The following ADAM23 variants were observed in gnomAD, a reference collection of about 807,000 sequenced individuals.
ADAM23 encodes ADAM metallopeptidase domain 23, also known as disintegrin and metalloproteinase domain-containing protein 23.
ADAM23 carries 33 observed loss-of-function variants against 120.1 expected under a neutral mutation model. That is an observed-to-expected ratio of 0.27 (90% CI 0.21 to 0.37). The LOEUF is 0.37. Among genes scored for constraint, ADAM23 ranks in the 10% least tolerant of loss-of-function variants. The probability of loss-of-function intolerance (pLI) is 1.00; values close to 1 mark genes in which losing one functional copy is unlikely to be tolerated. For missense variants in ADAM23, 862 were observed against 1,058.2 expected (o/e 0.81, Z 2.57); for synonymous variants, 367 against 375.2 (o/e 0.98, Z 0.25).
At position 206,594,906 on chromosome 2, in the gene ADAM23, G is replaced by T. The variant is rs760638282; in HGVS notation, c.2247+1G>T. The T allele has an allele frequency of 6.2e-7, 1 of 1,614,082 alleles. No homozygotes were observed. Among genetic ancestry groups the T allele is most frequent in the African/African-American group, 1.3e-5 (1 of 75,056 alleles). ...GGGTAAAGTCTGTTCGGGCCATGGG[G>T]TAAGTAGGTATCAATGTGACAGCTG... is the stretch of plus-strand genomic sequence containing the variant. On this transcript the variant is annotated splice_donor_variant, in intron 23 of 25. Transcript: ENST00000264377. LOFTEE classifies it high-confidence loss of function.
chr2:206,524,748 A>G (rs778126359), intron 3 of ADAM23, among the ~76,000 whole-genome samples: 5 of 152,212 alleles, frequency 3.3e-5, no homozygotes, highest in Non-Finnish European at 7.3e-5. Context: ...CCTCCCATGA[A>G]TCAGTGATCT....
chr2:206,567,234 C>G lies in ADAM23; in HGVS notation c.1406C>G (p.Ser469Cys). 1.2e-6 allele frequency: 2 copies of G among 1,612,454 alleles called. No homozygotes were observed. Among genetic ancestry groups the G allele is most frequent in the Non-Finnish European group, 1.7e-6 (2 of 1,178,856 alleles). ...CIMEETGVSH[S>C]RKFSKCSILE... ...CTTTGTTTCCTCAGGGTGTCCCATT[C>G]TCGAAAATTTTCAAAGTGCAGCATT... The change falls in exon 15 of 26, where the codon TCT (serine) becomes TGT (cysteine). Residue 469 changes from serine (S) to cysteine (C), a missense_variant. Physicochemically the swap from Ser to Cys is moderately radical, Grantham distance 112 (BLOSUM62 -1). Coordinates refer to ENST00000264377, the MANE Select transcript of ADAM23 (RefSeq NM_003812.4).
At chr2:206,477,707 T>G (rs1695801178) in intron 2 of ADAM23, among the ~76,000 whole-genome samples, 1 of 151,860 alleles carries the variant, frequency 6.6e-6, no homozygotes. Flanking sequence ...AGAACAATAC[T>G]GTAGGTAGTC....
At position 206,554,383 on chromosome 2, in the gene ADAM23, T is replaced by TAATAGAA. The variant is rs1680699413; in HGVS notation, c.934-3040_934-3034dup. On this transcript the variant is annotated intron_variant, in intron 9 of 25. Transcript: ENST00000264377. The stretch of plus-strand genomic sequence containing the variant: ...AAAATAAATATTAAAAATCTTATTC[T>TAATAGAA]AATAGAAAATTGGTTGAGATTTTTT... 2.6e-5 allele frequency among the ~76,000 whole-genome samples: 4 copies of TAATAGAA among 152,174 alleles called. No homozygotes were observed. The South Asian group carries it at 8.3e-4, about 31-fold the overall frequency.
intron 13 of ADAM23, among the ~76,000 whole-genome samples, chr2:206,563,982 G>A (rs1034778066): frequency 6.6e-6 from 1 of 151,836 alleles, no homozygotes; most frequent in Non-Finnish European, 1.5e-5. Context: ...TGCCCACCTC[G>A]GCCTCCCATA....
Position 206,596,146 on chromosome 2 carries a change from G to T in ADAM23, c.2343G>T (p.Lys781Asn). The stretch of plus-strand genomic sequence containing the variant: ...CAGTTAGGAACCTTCACCCCCCCAA[G>T]GATGAAGGACCCAAGGGTTTGTGTG... The part of the protein sequence containing the change: ...RDPVRNLHPP[K>N]DEGPKGPSAT... The change falls in exon 24 of 26, where the codon AAG becomes AAT. Residue 781 changes from lysine to asparagine, a missense_variant. Coordinates refer to ENST00000264377, the MANE Select transcript of ADAM23 (RefSeq NM_003812.4). 1.2e-6 allele frequency: 2 copies of T among 1,613,860 alleles called. No individual in the cohort carries two copies. Among genetic ancestry groups the T allele is most frequent in the Non-Finnish European group, 8.5e-7 (1 of 1,179,902 alleles).
At chr2:206,485,910 C>T (rs1166384213) in intron 3 of ADAM23, among the ~76,000 whole-genome samples, 1 of 152,156 alleles carries the variant, frequency 6.6e-6, no homozygotes, top group African/African-American at 2.4e-5. Context: ...AAAGAGGAGC[C>T]ACAACACGTT....
intron 14 of ADAM23, among the ~76,000 whole-genome samples, chr2:206,565,408 A>G (rs904126948): frequency 5.9e-5 from 9 of 152,224 alleles, no homozygotes; most frequent in African/African-American, 9.6e-5. Flanking sequence ...GTGAAAATCA[A>G]TTTAGTCATC....
intron 2 of ADAM23, among the ~76,000 whole-genome samples, chr2:206,477,901 T>TATATATATAC (rs1553548686): frequency 0.22 from 26,416 of 121,518 alleles, 3,216 homozygotes; most frequent in Non-Finnish European, 0.25. Context: ...AAAAAAAATA[T>TATATATATAC]ATATATATAT....
chr2:206,548,170 A>G, intron 7 of ADAM23, 111 bp from the exon 8 acceptor site: 1 of 915,862 alleles, frequency 1.1e-6, no homozygotes, highest in South Asian at 1.7e-5. Context: ...GCTTTTTTTC[A>G]CCTTAGTTTG....
At chr2:206,616,981 C>T (rs1196941821) in intron 25 of ADAM23, among the ~76,000 whole-genome samples, 2 of 152,260 alleles carry the variant, frequency 1.3e-5, no homozygotes, top group African/African-American at 4.8e-5. Context: ...CCTGTGTCCA[C>T]TCTCCTTTGA....
chr2:206,452,199 T>C lies in ADAM23; in HGVS notation c.432+6675T>C, dbSNP rs115647733. Among the ~76,000 whole-genome samples, 1,510 of 152,326 alleles carry C rather than the reference T, an allele frequency of 9.9e-3. 31 individuals are homozygous for C. Among genetic ancestry groups the C allele is most frequent in the African/African-American group, 0.035 (1,455 of 41,568 alleles). Reference sequence around the variant, plus strand: ...CATTCTTTGTTGCTAACACTAACCCTTCTGCATTTCTGGTCCCTTTGGGCA... The same window carrying C: ...CATTCTTTGTTGCTAACACTAACCCCTCTGCATTTCTGGTCCCTTTGGGCA... On this transcript the variant is annotated intron_variant, in intron 2 of 25. Coordinates refer to ENST00000264377, the MANE Select transcript of ADAM23 (RefSeq NM_003812.4).
At chr2:206,567,518 T>C (rs371935778) in intron 15 of ADAM23, among the ~76,000 whole-genome samples, 196 bp downstream of exon 15, 3 of 152,302 alleles carry the variant, frequency 2.0e-5, no homozygotes, top group East Asian at 3.9e-4. Flanking sequence ...GATTCAGCAT[T>C]CTCAGTCTCT....
chr2:206,578,362 C>A (rs538228905), intron 18 of ADAM23, among the ~76,000 whole-genome samples: 72 of 151,130 alleles, frequency 4.8e-4, no homozygotes, highest in Non-Finnish European at 9.0e-4. Context: ...CTCCCCAATT[C>A]CCCCCAAGTC....
intron 2 of ADAM23, among the ~76,000 whole-genome samples, chr2:206,448,645 G>C (rs1232404298): frequency 6.6e-6 from 1 of 152,178 alleles, no homozygotes; most frequent in Non-Finnish European, 1.5e-5. Context: ...GCAGAAGGTT[G>C]AGTTGATCAC....
At chr2:206,464,155 T>C (rs1373933983) in intron 2 of ADAM23, among the ~76,000 whole-genome samples, 1 of 152,224 alleles carries the variant, frequency 6.6e-6, no homozygotes, top group Non-Finnish European at 1.5e-5. Context: ...AAAAATCTAG[T>C]TCTTTTCAGT....
chr2:206,528,508 G>A lies in ADAM23; in HGVS notation c.510-2377G>A, dbSNP rs540938026. On this transcript the variant is annotated intron_variant, in intron 3 of 25. Transcript: ENST00000264377. ...ATTGGCTTCCTTTCTGTGTTGGAAA[G>A]GTTGTCCTTCATCACACACAGGACA... Among the ~76,000 whole-genome samples the A allele has an allele frequency of 4.4e-4, 67 of 152,180 alleles. 1 individual carries two copies. The highest frequency in any genetic ancestry group is 8.5e-4 in the Non-Finnish European group (58 of 68,038).
At chr2:206,601,294 C>G (rs1370710562) in intron 24 of ADAM23, among the ~76,000 whole-genome samples, 1 of 152,172 alleles carries the variant, frequency 6.6e-6, no homozygotes, top group Non-Finnish European at 1.5e-5. Context: ...CACAACCACA[C>G]TCATCAAATC....
At chr2:206,613,589 G>A (rs1698877473) in intron 25 of ADAM23, among the ~76,000 whole-genome samples, 1 of 152,038 alleles carries the variant, frequency 6.6e-6, no homozygotes, top group Admixed American at 6.5e-5. Context: ...TATGAGCTGT[G>A]GTGCAGAGGA....
Sources: gnomAD v4.1 joint callset for allele counts (sites outside exome capture counted in the v4.1 genomes callset) on GRCh38, gnomAD v4.1.1 for gene constraint, MANE v1.5 for transcripts, NCBI Gene and HGNC (gene_info 2026-07-23, HGNC 2026-07-21) for gene names.